The following ST3GAL1 variants were observed in gnomAD, a reference collection of about 807,000 sequenced individuals.
The protein encoded by ST3GAL1 is CMP-N-acetylneuraminate-beta-galactosamide-alpha-2,3-sialyltransferase 1.
ST3GAL1 carries 16 observed loss-of-function variants against 34.1 expected under a neutral mutation model. That is an observed-to-expected ratio of 0.47 (90% CI 0.32 to 0.71). The LOEUF (loss-of-function observed/expected upper bound fraction) is 0.71, where lower values mean the gene tolerates loss of function less well. ST3GAL1 is among the 30% of genes least tolerant of loss of function. The pLI, the probability that ST3GAL1 is intolerant of heterozygous loss-of-function variation, is 0.04. For missense variants in ST3GAL1, 353 were observed against 447.4 expected, an observed-to-expected ratio of 0.79 and a Z score of 1.90; for synonymous variants, 191 against 184.7, an observed-to-expected ratio of 1.03 and a Z score of -0.28.
intron 2 of ST3GAL1, among the ~76,000 whole-genome samples, chr8:133,527,257 A>G (rs1818004683): frequency 6.6e-6 from 1 of 152,174 alleles, no homozygotes; most frequent in African/African-American, 2.4e-5. Flanking sequence ...TTGTGGAGAA[A>G]GCATTGAGTT....
chr8:133,474,334 A>C (rs1816076312), intron 5 of ST3GAL1, among the ~76,000 whole-genome samples: 1 of 152,112 alleles, frequency 6.6e-6, no homozygotes, highest in Admixed American at 6.5e-5. Context: ...CACTCCTGCA[A>C]CCCAAGAAAG....
intron 3 of ST3GAL1, among the ~76,000 whole-genome samples, chr8:133,477,943 C>T (rs1415839789): frequency 6.6e-6 from 1 of 152,124 alleles, no homozygotes; most frequent in African/African-American, 2.4e-5. Context: ...ATATTAAATC[C>T]ACAGTGCCCT....
At chr8:133,530,260 G>C (rs1299231047) in intron 2 of ST3GAL1, among the ~76,000 whole-genome samples, 1 of 148,514 alleles carries the variant, frequency 6.7e-6, no homozygotes. Flanking sequence ...GTGTCCTGAG[G>C]CCTTCTTTTT....
rs1815433808 is a variant in ST3GAL1, at chr8:133,459,911, G to C, written c.876C>G (p.Asp292Glu). The change falls in exon 10 of 10, where the codon GAC becomes GAG. Residue 292 changes from aspartate (D) to glutamate (E), a missense_variant. Transcript: ENST00000522652. This position sits in a 1 kb window ranked among gnomAD's most constrained non-coding sequence, Gnocchi z 4.7. ...DEVDLYGFGA[D>E]SKGNWHHYWE... ...AGTAGTGGTGCCAGTTCCCTTTGCT[G>C]TCTGCCCCGAAGCCGTACAAGTCCA... 1 of 1,613,440 alleles carries C rather than the reference G, an allele frequency of 6.2e-7. No individual in the cohort carries two copies. Among genetic ancestry groups the C allele is most frequent in the Admixed American group, 1.7e-5 (1 of 59,926 alleles).
intron 1 of ST3GAL1, among the ~76,000 whole-genome samples, chr8:133,554,518 G>A (rs1208604177): frequency 2.0e-5 from 3 of 152,074 alleles, no homozygotes; most frequent in Non-Finnish European, 2.9e-5. Flanking sequence ...AAGGACTAAG[G>A]ATGTCAAGAA....
At chr8:133,564,452 C>T (rs1457572813) in intron 1 of ST3GAL1, among the ~76,000 whole-genome samples, 1 of 150,344 alleles carries the variant, frequency 6.7e-6, no homozygotes, top group Non-Finnish European at 1.5e-5. Flanking sequence ...CACAATAAAG[C>T]CAATTTAGGT....
At chr8:133,564,790 G>T (rs773643853) in intron 1 of ST3GAL1, among the ~76,000 whole-genome samples, 5 of 152,198 alleles carry the variant, frequency 3.3e-5, no homozygotes, top group African/African-American at 1.2e-4. Context: ...ACTGTACAAA[G>T]TGTGCCTTCA....
chr8:133,487,568 C>A (rs369089680), intron 3 of ST3GAL1, among the ~76,000 whole-genome samples: 3 of 152,210 alleles, frequency 2.0e-5, no homozygotes, highest in South Asian at 4.1e-4. Context: ...ACTGCCAAGC[C>A]CCTTTGTGGA....
At chr8:133,500,788 ATCT>A (rs1817126305) in intron 2 of ST3GAL1, among the ~76,000 whole-genome samples, 2 of 152,234 alleles carry the variant, frequency 1.3e-5, no homozygotes, top group South Asian at 4.1e-4. Flanking sequence ...AACTATCATC[ATCT>A]TCATCATCAT....
chr8:133,480,603 A>G (rs1025091255), intron 3 of ST3GAL1, among the ~76,000 whole-genome samples: 1 of 152,188 alleles, frequency 6.6e-6, no homozygotes, highest in African/African-American at 2.4e-5. Flanking sequence ...CCAAGCCACC[A>G]GGAGAGGTGG....
chr8:133,471,861 A>C (rs190581681), intron 5 of ST3GAL1, among the ~76,000 whole-genome samples: 4 of 152,146 alleles, frequency 2.6e-5, no homozygotes, highest in African/African-American at 9.6e-5. Context: ...TGGGATGGGA[A>C]GATGCCTTAG....
chr8:133,566,627 C>T (rs1819409461), intron 1 of ST3GAL1, among the ~76,000 whole-genome samples: 3 of 152,186 alleles, frequency 2.0e-5, no homozygotes, highest in Admixed American at 1.3e-4. Flanking sequence ...TGGATAGTAG[C>T]GTCCCCCTGA....
At chr8:133,514,361 T>C (rs539818810) in intron 2 of ST3GAL1, among the ~76,000 whole-genome samples, 1 of 152,292 alleles carries the variant, frequency 6.6e-6, no homozygotes, top group Non-Finnish European at 1.5e-5. Flanking sequence ...GAGCTCAGAA[T>C]GGACCAGTGT....
intron 2 of ST3GAL1, among the ~76,000 whole-genome samples, chr8:133,537,704 C>T (rs955129587): frequency 2.0e-5 from 3 of 152,120 alleles, no homozygotes; most frequent in Non-Finnish European, 4.4e-5. Flanking sequence ...CCCTGGGGGC[C>T]GGGATTGGCC....
intron 1 of ST3GAL1, among the ~76,000 whole-genome samples, chr8:133,569,747 C>G (rs1325188795): frequency 6.6e-6 from 1 of 152,232 alleles, no homozygotes; most frequent in Non-Finnish European, 1.5e-5. Flanking sequence ...GCCCCTTCCC[C>G]ACCGCAGAGA....
intron 3 of ST3GAL1, among the ~76,000 whole-genome samples, chr8:133,486,228 C>T (rs892662689): frequency 1.2e-4 from 18 of 152,346 alleles, no homozygotes; most frequent in Middle Eastern, 3.4e-3. Flanking sequence ...AGGCTGAGGT[C>T]GGCCCCTGCC....
At chr8:133,493,146 T>C (rs2130981536) in intron 3 of ST3GAL1, among the ~76,000 whole-genome samples, 1 of 152,294 alleles carries the variant, frequency 6.6e-6, no homozygotes, top group Admixed American at 6.5e-5. Context: ...GTGGGAGGAC[T>C]GGACGCACTG....
intron 1 of ST3GAL1, among the ~76,000 whole-genome samples, chr8:133,552,187 C>T (rs770433702): frequency 1.3e-5 from 2 of 152,194 alleles, no homozygotes; most frequent in East Asian, 1.9e-4. Context: ...AGGAACCACA[C>T]CACTCTGTGT....
At chr8:133,521,941 T>G (rs1239683879) in intron 2 of ST3GAL1, among the ~76,000 whole-genome samples, 1 of 152,214 alleles carries the variant, frequency 6.6e-6, no homozygotes, top group Non-Finnish European at 1.5e-5. Flanking sequence ...GTTTTGAGCT[T>G]TTATACTTTT....
Sources: gnomAD v4.1 joint callset for allele counts (sites outside exome capture counted in the v4.1 genomes callset) on GRCh38, gnomAD v4.1.1 for gene constraint, Gnocchi (gnomAD v3.1) non-coding constraint, MANE v1.5 for transcripts, NCBI Gene and HGNC (gene_info 2026-07-23, HGNC 2026-07-21) for gene names.